CCDC112: variants seen among roughly 807,000 people sequenced by gnomAD.
The protein encoded by CCDC112 is coiled-coil domain-containing protein 112.
In CCDC112, 40 loss-of-function variants were observed where a neutral mutation model predicts 66.3. The ratio of observed to expected loss-of-function variants is 0.60; its 90% confidence interval spans 0.47 to 0.79. The LOEUF (loss-of-function observed/expected upper bound fraction) is 0.79, where lower values mean the gene tolerates loss of function less well. Ranked by LOEUF, CCDC112 falls within the 30% of genes least tolerant of loss-of-function variation. CCDC112 has a pLI of 0.00. For missense variants in CCDC112, 659 were observed against 603.8 expected, an observed-to-expected ratio of 1.09 and a Z score of -0.96; for synonymous variants, 214 against 197.2, an observed-to-expected ratio of 1.09 and a Z score of -0.71.
chr5:115,287,366 GCTGT>G (rs1163470584), intron 1 of CCDC112, among the ~76,000 whole-genome samples: 1 of 151,950 alleles, frequency 6.6e-6, no homozygotes, highest in South Asian at 2.1e-4. Flanking sequence ...TAAAAATTTG[GCTGT>G]CTATTTATTG....
chr5:115,267,982 C>G lies in CCDC112; in HGVS notation c.1548-64G>C. On this transcript the variant is annotated intron_variant, in intron 9 of 9. Transcript: ENST00000379611. ...GAAATTAAAAAGAAAAAAACCCTAT[C>G]TGATTAAGTGCTAACTTTAAAATAT... is the stretch of plus-strand genomic sequence containing the variant. 2.4e-6 allele frequency: 3 copies of G among 1,268,222 alleles called. No homozygotes were observed. In the South Asian group the frequency reaches 3.6e-5, roughly 15 times the overall value. The allele number at this position is 1,268,222 out of a possible 1,614,324, so 78.6% of individuals were successfully genotyped here. A position where few individuals can be genotyped will look rare whatever the true frequency, so the allele number is the denominator to read the frequency against.
intron 1 of CCDC112, among the ~76,000 whole-genome samples, chr5:115,292,133 T>C (rs770221547): frequency 2.0e-5 from 3 of 152,180 alleles, no homozygotes; most frequent in African/African-American, 4.8e-5. Flanking sequence ...ATTATGCACA[T>C]GGTAGTATGC....
intron 1 of CCDC112, among the ~76,000 whole-genome samples, chr5:115,285,453 T>G (rs1031462669): frequency 6.6e-6 from 1 of 152,122 alleles, no homozygotes; most frequent in Non-Finnish European, 1.5e-5. Flanking sequence ...TTAAGGAAGA[T>G]TGAAGCCAGC....
At chr5:115,294,840 A>T (rs1750080508) in intron 1 of CCDC112, among the ~76,000 whole-genome samples, 2 of 152,238 alleles carry the variant, frequency 1.3e-5, no homozygotes, top group South Asian at 4.1e-4. Flanking sequence ...CATTATCACA[A>T]TATAGCATGC....
At chr5:115,284,208 C>G (rs999697508) in intron 2 of CCDC112, among the ~76,000 whole-genome samples, 1 of 152,060 alleles carries the variant, frequency 6.6e-6, no homozygotes, top group Non-Finnish European at 1.5e-5. Flanking sequence ...GTGAACATCA[C>G]TGGTTAGTAA....
chr5:115,296,629 C>A lies in CCDC112; in HGVS notation c.-86G>T. 5 of 1,331,954 alleles carry A rather than the reference C, an allele frequency of 3.8e-6. No homozygotes were observed. The highest frequency in any genetic ancestry group is 3.9e-6 in the Non-Finnish European group (4 of 1,037,636). 82.5% of individuals were successfully genotyped at this position (1,331,954 alleles called of 1,614,324 possible). On this transcript the variant is annotated 5_prime_UTR_variant, in exon 1 of 10. Transcript: ENST00000379611. ...CGCACCCTGGCCTCTGCAGACAGCTCCCTGCGCTGCGGGCTTGGCCGGGAT... is the reference window on the plus strand; with the variant it reads ...CGCACCCTGGCCTCTGCAGACAGCTACCTGCGCTGCGGGCTTGGCCGGGAT...
chr5:115,271,826 T>C (rs1041511215), intron 6 of CCDC112, among the ~76,000 whole-genome samples, 200 bp from the exon 7 acceptor site: 8 of 152,170 alleles, frequency 5.3e-5, no homozygotes, highest in African/African-American at 1.9e-4. Context: ...CTTAAAACTC[T>C]GAATAATGGG....
chr5:115,274,841 A>G (rs1448177617), intron 6 of CCDC112, among the ~76,000 whole-genome samples: 1 of 152,216 alleles, frequency 6.6e-6, no homozygotes, highest in African/African-American at 2.4e-5. Flanking sequence ...TCTAGGCTCA[A>G]GCAATCCTCC....
intron 1 of CCDC112, among the ~76,000 whole-genome samples, chr5:115,290,288 C>A (rs1749866203): frequency 6.6e-6 from 1 of 150,734 alleles, no homozygotes; most frequent in African/African-American, 2.5e-5. Context: ...ATCATCTGCC[C>A]ATAAAACTGT....
Position 115,279,768 on chromosome 5 carries a change from T to A in CCDC112, c.240A>T (p.Gln80His). 3 of 1,459,044 alleles carry A rather than the reference T, an allele frequency of 2.1e-6. No homozygotes were observed. Among genetic ancestry groups the A allele is most frequent in the Non-Finnish European group, 2.9e-6 (3 of 1,045,762 alleles). 90.4% of individuals were successfully genotyped at this position (1,459,044 alleles called of 1,614,324 possible). ...GTTTATCTTTTTCCATGTTAATTACTCTTTAGGAAAAGAAACAAATAGTAT... is the reference window on the plus strand; with the variant it reads ...GTTTATCTTTTTCCATGTTAATTACACTTTAGGAAAAGAAACAAATAGTAT... The part of the protein sequence containing the change: ...FVRTAEKFKN[Q>H]VINMEKDKHS... Residue 80 changes from glutamine (Q) to histidine (H), a missense_variant and splice_region_variant, in exon 3 of 10, where the codon CAA becomes CAT. Coordinates refer to ENST00000379611, the MANE Select transcript of CCDC112 (RefSeq NM_001040440.3).
intron 6 of CCDC112, among the ~76,000 whole-genome samples, chr5:115,274,692 A>G (rs1460416822): frequency 8.5e-5 from 13 of 152,214 alleles, no homozygotes; most frequent in African/African-American, 1.4e-4. Context: ...ATGTTTGGCT[A>G]TGAGGAAGTC....
chr5:115,296,611 T>C lies in CCDC112; in HGVS notation c.-68A>G, dbSNP rs561349396. On this transcript the variant is annotated 5_prime_UTR_variant, in exon 1 of 10. Transcript: ENST00000379611. ...CTGGGGATTCGTGGCAGGCGCACCC[T>C]GGCCTCTGCAGACAGCTCCCTGCGC... 17 of 1,351,556 alleles carry C rather than the reference T, an allele frequency of 1.3e-5. No homozygotes were observed. The South Asian group carries it at 1.8e-4, about 14-fold the overall frequency. 83.7% of individuals were successfully genotyped at this position (1,351,556 alleles called of 1,614,324 possible).
chr5:115,273,278 G>C (rs1170813768), intron 6 of CCDC112, among the ~76,000 whole-genome samples: 1 of 152,150 alleles, frequency 6.6e-6, no homozygotes, highest in Non-Finnish European at 1.5e-5. Flanking sequence ...ATAAGCAAAG[G>C]CATTCAGGCC....
At position 115,275,146 on chromosome 5, in the gene CCDC112, A is replaced by G. The variant is rs376658955; in HGVS notation, c.918+70T>C. 1.0e-3 allele frequency: 1,174 copies of G among 1,145,592 alleles called. 25 individuals are homozygous for G. In the South Asian group the frequency reaches 0.018, roughly 17 times the overall value. The allele number at this position is 1,145,592 out of a possible 1,614,324, so 71.0% of individuals were successfully genotyped here. ...GGGATTGCTGTAAAGTTAATGAGACATGTTAAGTGTTTAGTACAGTGCCTA... is the reference window on the plus strand; with the variant it reads ...GGGATTGCTGTAAAGTTAATGAGACGTGTTAAGTGTTTAGTACAGTGCCTA... On this transcript the variant is annotated intron_variant, in intron 6 of 9. Coordinates refer to ENST00000379611, the MANE Select transcript of CCDC112 (RefSeq NM_001040440.3).
Position 115,284,872 on chromosome 5 carries a change from G to A in CCDC112, c.154C>T (p.Pro52Ser), listed in dbSNP as rs1454277660. The change falls in exon 2 of 10, where the codon CCT (proline) becomes TCT (serine). Residue 52 changes from proline (P) to serine (S), a missense_variant. Physicochemically the swap from Pro to Ser is moderately conservative, Grantham distance 74. Transcript: ENST00000379611. ...TGCTTCCAGTTCTGAAGATGAAAAG[G>A]ACGAATTCCACCTGAAGTACTAAAA... The part of the protein sequence containing the change: ...GCFSTSGGIR[P>S]FHLQNWKQKV... The A allele has an allele frequency of 1.2e-6, 2 of 1,612,602 alleles. No individual in the cohort carries two copies. Among genetic ancestry groups the A allele is most frequent in the East Asian group, 2.2e-5 (1 of 44,760 alleles).
chr5:115,287,556 A>G (rs948139230), intron 1 of CCDC112, among the ~76,000 whole-genome samples: 1 of 152,132 alleles, frequency 6.6e-6, no homozygotes, highest in Non-Finnish European at 1.5e-5. Context: ...CCAACTGACC[A>G]ATTTTTCCTG....
intron 4 of CCDC112, among the ~76,000 whole-genome samples, chr5:115,276,730 A>G (rs1749220922): frequency 6.6e-6 from 1 of 152,166 alleles, no homozygotes; most frequent in Non-Finnish European, 1.5e-5. Context: ...ATTTGATAAT[A>G]CTTTAACGGA....
intron 1 of CCDC112, chr5:115,288,960 G>A (rs1431926087): frequency 7.6e-6 from 3 of 393,948 alleles, no homozygotes; most frequent in East Asian, 1.5e-4. Context: ...GGACTACTAA[G>A]ACACAGTAGA....
chr5:115,273,519 C>T (rs1330038603), intron 6 of CCDC112, among the ~76,000 whole-genome samples: 11 of 152,204 alleles, frequency 7.2e-5, no homozygotes, highest in Non-Finnish European at 1.6e-4. Context: ...CCTTCTATCT[C>T]ACCCCTATGT....
Sources: gnomAD v4.1 joint callset for allele counts (sites outside exome capture counted in the v4.1 genomes callset) on GRCh38, gnomAD v4.1.1 for gene constraint, MANE v1.5 for transcripts, NCBI Gene and HGNC (gene_info 2026-07-23, HGNC 2026-07-21) for gene names.